Variants in RHAG observed in about 807,000 individuals in gnomAD.
RHAG encodes the protein Rh associated glycoprotein.
Under a neutral mutation model 42.4 loss-of-function variants are expected in RHAG, and 25 were observed. The observed-to-expected ratio is 0.59, with a 90% confidence interval of 0.43 to 0.82. RHAG has a LOEUF of 0.82. Ranked by LOEUF, RHAG falls within the 40% of genes least tolerant of loss-of-function variation. The pLI is 0.00. For missense variants in RHAG, 483 were observed against 504.6 expected (o/e 0.96, Z 0.41); for synonymous variants, 182 against 177.7 (o/e 1.02, Z -0.19).
At position 49,605,761 on chromosome 6, in the gene RHAG, C is replaced by G. The variant is rs1368968029; in HGVS notation, c.*52G>C. ...CTGGAGAGCAGGAATGGTGTTTAGACTTCAGGTTCCAGCTGGCTGTGGTCA... is the reference window on the plus strand; with the variant it reads ...CTGGAGAGCAGGAATGGTGTTTAGAGTTCAGGTTCCAGCTGGCTGTGGTCA... On this transcript the variant is annotated 3_prime_UTR_variant, in exon 10 of 10. Coordinates refer to ENST00000371175, the MANE Select transcript of RHAG (RefSeq NM_000324.3). 6.5e-7 allele frequency: 1 copy of G among 1,547,902 alleles called. No individual in the cohort carries two copies. Among genetic ancestry groups the G allele is most frequent in the Non-Finnish European group, 8.9e-7 (1 of 1,119,748 alleles).
At chr6:49,610,818 A>AT (rs759304462) in intron 7 of RHAG, among the ~76,000 whole-genome samples, 3 of 152,172 alleles carry the variant, frequency 2.0e-5, no homozygotes, top group Non-Finnish European at 4.4e-5. Flanking sequence ...AACACTGTTA[A>AT]TTTTTTTAAA....
chr6:49,623,464 C>T (rs950377044), intron 1 of RHAG, among the ~76,000 whole-genome samples: 3 of 152,188 alleles, frequency 2.0e-5, no homozygotes, highest in African/African-American at 2.4e-5. Context: ...TAAAGGAATA[C>T]AGTGTCCATT....
chr6:49,611,178 T>C, intron 6 of RHAG, 33 bp from the exon 7 acceptor site: 1 of 1,565,200 alleles, frequency 6.4e-7, no homozygotes, highest in Non-Finnish European at 8.8e-7. Flanking sequence ...GTTTATTATT[T>C]AGTTAAACAT....
chr6:49,627,664 G>A (rs1762862719), intron 1 of RHAG, among the ~76,000 whole-genome samples: 1 of 152,180 alleles, frequency 6.6e-6, no homozygotes, highest in Non-Finnish European at 1.5e-5. Flanking sequence ...ATAAAGGAAA[G>A]GTTTAATTGA....
chr6:49,614,344 C>T (rs1762616810), intron 5 of RHAG, among the ~76,000 whole-genome samples: 1 of 151,408 alleles, frequency 6.6e-6, no homozygotes, highest in African/African-American at 2.4e-5. Context: ...AGGTGTCTGC[C>T]TCCACGCCTG....
intron 1 of RHAG, among the ~76,000 whole-genome samples, chr6:49,633,727 C>T (rs111323603): frequency 0.014 from 2,071 of 152,176 alleles, 39 homozygotes; most frequent in African/African-American, 0.046. Context: ...GCAATGGATG[C>T]CTTGAGTCAT....
intron 5 of RHAG, among the ~76,000 whole-genome samples, chr6:49,614,091 A>G (rs988930155): frequency 1.3e-5 from 2 of 152,178 alleles, no homozygotes; most frequent in Non-Finnish European, 2.9e-5. Context: ...AAAGAAATAT[A>G]CCTCAAATCA....
At position 49,615,785 on chromosome 6, in the gene RHAG, T is replaced by C. The variant is rs764028493; in HGVS notation, c.493-14A>G. 9 of 1,613,422 alleles carry C rather than the reference T, an allele frequency of 5.6e-6. No homozygotes were observed. The highest frequency in any genetic ancestry group is 1.1e-5 in the South Asian group (1 of 91,074). ...AATGTCAGAGGCCTGAGGGACAAAA[T>C]AGCATTCACATAAATAGAGGTGAAC... On this transcript the variant is annotated splice_polypyrimidine_tract_variant and intron_variant, in intron 3 of 9. Transcript: ENST00000371175.
rs764420706 is a variant in RHAG at position 49,619,281 on chromosome 6, A to G, written c.239T>C (p.Val80Ala). The change falls in exon 2 of 10, where the codon GTG becomes GCG. Residue 80 changes from valine to alanine, a missense_variant. Val to Ala is a moderately conservative substitution (Grantham distance 64). Transcript: ENST00000371175. ...TFLKKYGFSS[V>A]GINLLVAALG... ...AGCAGCAACGAGTAGGTTGATACCC[A>G]CACTGCTGAAGCCATATTTCTTCAG... is the stretch of plus-strand genomic sequence containing the variant. 6.2e-7 allele frequency: 1 copy of G among 1,614,028 alleles called. No homozygotes were observed. Among genetic ancestry groups the G allele is most frequent in the African/African-American group, 1.3e-5 (1 of 74,928 alleles).
At chr6:49,631,002 T>A (rs1462423313) in intron 1 of RHAG, among the ~76,000 whole-genome samples, 1 of 152,258 alleles carries the variant, frequency 6.6e-6, no homozygotes, top group Non-Finnish European at 1.5e-5. Context: ...TAGAATGCCC[T>A]ACAATTTGGA....
chr6:49,605,605 AC>A lies in RHAG; in HGVS notation c.*207del. Reference sequence around the variant, plus strand: ...TCAATTAATCATTGAAGAGCAAGAGACAGCATCAGACATAAGGACATTTTTA... The same window carrying A: ...TCAATTAATCATTGAAGAGCAAGAGAAGCATCAGACATAAGGACATTTTTA... On this transcript the variant is annotated 3_prime_UTR_variant, in exon 10 of 10. Transcript: ENST00000371175. The A allele has an allele frequency of 1.5e-6, 1 of 660,320 alleles. No homozygotes were observed. Among genetic ancestry groups the A allele is most frequent in the South Asian group, 1.6e-5 (1 of 63,504 alleles). The allele number at this position is 660,320 out of a possible 1,614,324, so 40.9% of individuals were successfully genotyped here.
At chr6:49,615,528 G>T (rs1762639167) in intron 4 of RHAG, 96 bp downstream of exon 4, 1 of 1,387,090 alleles carries the variant, frequency 7.2e-7, no homozygotes, top group Non-Finnish European at 1.0e-6. Flanking sequence ...GCCTGGCTTG[G>T]ATGTTCTTTT....
rs1223825127 is a variant in RHAG, at chr6:49,611,107, A to G, written c.984T>C (p.Cys328=). ...GTAAGCCGTGGAGGTTATGGACCCCACATGTATCATGGATCCTCAGTTTAG... is the reference window on the plus strand; with the variant it reads ...GTAAGCCGTGGAGGTTATGGACCCCGCATGTATCATGGATCCTCAGTTTAG... ...FTTKLRIHDT[C]GVHNLHGLPG... Residue 328 remains cysteine (C), a synonymous_variant, in exon 7 of 10, where the codon TGT becomes TGC. Transcript: ENST00000371175. 9.9e-6 allele frequency: 16 copies of G among 1,613,788 alleles called. No homozygotes were observed. The East Asian group carries it at 3.3e-4, about 34-fold the overall frequency.
chr6:49,609,663 G>C (rs1050715397), intron 7 of RHAG, among the ~76,000 whole-genome samples: 11 of 152,242 alleles, frequency 7.2e-5, no homozygotes, highest in Non-Finnish European at 1.6e-4. Flanking sequence ...ACATGAAGAA[G>C]GAAGCAAACT....
chr6:49,622,954 G>T (rs1762788389), intron 1 of RHAG, among the ~76,000 whole-genome samples: 1 of 151,318 alleles, frequency 6.6e-6, no homozygotes, highest in African/African-American at 2.4e-5. Context: ...TCCTGCCTCA[G>T]CCTCCCGAGT....
chr6:49,619,191 A>G lies in RHAG; in HGVS notation c.329T>C (p.Ile110Thr), dbSNP rs1296946793. 2.5e-5 allele frequency: 40 copies of G among 1,613,894 alleles called. No individual in the cohort carries two copies. Among genetic ancestry groups the G allele is most frequent in the Non-Finnish European group, 3.1e-5 (37 of 1,179,926 alleles). Reference protein sequence around the residue: ...ILQSQGQKFNIGIKNMINADF... With the variant: ...ILQSQGQKFNTGIKNMINADF... ...TAAGGATGCTCACTTTTTGATTCCAATGTTAAATTTCTGTCCCTGGCTTTG... is the reference window on the plus strand; with the variant it reads ...TAAGGATGCTCACTTTTTGATTCCAGTGTTAAATTTCTGTCCCTGGCTTTG... The change falls in exon 2 of 10, where the codon ATT becomes ACT. Residue 110 changes from isoleucine (I) to threonine (T), a missense_variant. Ile to Thr is a moderately conservative substitution (Grantham distance 89). Coordinates refer to ENST00000371175, the MANE Select transcript of RHAG (RefSeq NM_000324.3).
chr6:49,621,453 C>A (rs994022021), intron 1 of RHAG, among the ~76,000 whole-genome samples: 14 of 152,246 alleles, frequency 9.2e-5, no homozygotes, highest in African/African-American at 3.4e-4. Flanking sequence ...TCAGCTGAGG[C>A]CTTCTCCTTC....
chr6:49,606,581 C>T (rs1257320624), intron 9 of RHAG: 5 of 413,636 alleles, frequency 1.2e-5, no homozygotes, highest in Non-Finnish European at 8.5e-6. Flanking sequence ...TTCTTTTACA[C>T]TTGACATCCC....
chr6:49,612,839 G>A (rs1057464611), intron 5 of RHAG, among the ~76,000 whole-genome samples: 2 of 152,150 alleles, frequency 1.3e-5, no homozygotes, highest in African/African-American at 4.8e-5. Context: ...AGTGTTTAGA[G>A]CAAATATTCT....
Sources: allele counts gnomAD v4.1 joint callset (sites outside exome capture counted in the v4.1 genomes callset), GRCh38; gene constraint gnomAD v4.1.1; transcripts MANE v1.5; gene names NCBI Gene and HGNC (gene_info 2026-07-23, HGNC 2026-07-21).